TBC1D16: variants seen among roughly 807,000 people sequenced by gnomAD.
The protein encoded by TBC1D16 is CTD-2529O21.1.
In TBC1D16, 58 loss-of-function variants were observed where a neutral mutation model predicts 74.7. That is an observed-to-expected ratio of 0.78 (90% CI 0.63 to 0.97). TBC1D16 has a LOEUF of 0.97. TBC1D16 is among the 50% of genes least tolerant of loss of function. The probability of loss-of-function intolerance (pLI) is 0.00; values close to 1 mark genes in which losing one functional copy is unlikely to be tolerated. For synonymous variants in TBC1D16, 493 were observed against 474.7 expected, an observed-to-expected ratio of 1.04 and a Z score of -0.50; for missense variants, 1,014 against 1,079.5, an observed-to-expected ratio of 0.94 and a Z score of 0.85.
At chr17:79,949,889 G>T (rs76544663) in intron 6 of TBC1D16, 24 bp from the exon 7 acceptor site, 178,184 of 1,606,590 alleles carry the variant, frequency 0.11, 12,066 homozygotes, top group Admixed American at 0.32. Flanking sequence ...CAAAAGTTGG[G>T]GAGGGGATAA....
In TBC1D16 at chr17:79,944,292, T is replaced by C. The variant is rs1241440483; in HGVS notation, c.1908+616A>G. On this transcript the variant is annotated intron_variant, in intron 10 of 11. Coordinates refer to ENST00000310924, the MANE Select transcript of TBC1D16 (RefSeq NM_019020.4). The surrounding 1 kb of genome is among the most constrained non-coding windows in gnomAD (Gnocchi z 7.7). ...GTGAGTTTTTTTTTTAAAAGGCTGA[T>C]GGACTCAAAGAGACTTGCTTATCTT... Among the ~76,000 whole-genome samples the C allele has an allele frequency of 2.0e-5, 3 of 152,136 alleles. No individual in the cohort carries two copies. Among genetic ancestry groups the C allele is most frequent in the Admixed American group, 1.3e-4 (2 of 15,280 alleles).
chr17:79,963,470 CGTTTT>C (rs2033710834), intron 3 of TBC1D16, among the ~76,000 whole-genome samples: 1 of 152,036 alleles, frequency 6.6e-6, no homozygotes, highest in East Asian at 1.9e-4. Context: ...GGATGGACCG[CGTTTT>C]GTTTATCTTT....
chr17:79,943,855 C>G, intron 10 of TBC1D16: 1 of 1,385,884 alleles, frequency 7.2e-7, no homozygotes, highest in Non-Finnish European at 9.4e-7. Flanking sequence ...GGCAAATCTG[C>G]CACTGGGAAA....
At chr17:79,997,351 CTT>C (rs371287804) in intron 3 of TBC1D16, among the ~76,000 whole-genome samples, 5 of 143,060 alleles carry the variant, frequency 3.5e-5, no homozygotes, top group Admixed American at 7.0e-5. Context: ...CCTCCCGGTA[CTT>C]TTTTTTTTTT....
chr17:79,985,291 C>T lies in TBC1D16; in HGVS notation c.779+24869G>A, dbSNP rs2034791067. Among the ~76,000 whole-genome samples, 2 of 152,178 alleles carry T rather than the reference C, an allele frequency of 1.3e-5. No homozygotes were observed. The highest frequency in any genetic ancestry group is 1.3e-4 in the Admixed American group (2 of 15,276). ...TTAGGGCCACCCTAATCCAGGAAGA[C>T]CTCAACTGGATCCTTCCCTTGATCC... On this transcript the variant is annotated intron_variant, in intron 3 of 11. Transcript: ENST00000310924. The surrounding 1 kb of genome is among the most constrained non-coding windows in gnomAD (Gnocchi z 4.9).
chr17:80,002,287 C>T (rs560509316), intron 3 of TBC1D16, among the ~76,000 whole-genome samples: 21 of 152,340 alleles, frequency 1.4e-4, no homozygotes, highest in African/African-American at 4.1e-4. Flanking sequence ...CAACGATGAA[C>T]GATAACGCCG....
At chr17:80,025,090 C>CACACACACG (rs1568649814) in intron 1 of TBC1D16, among the ~76,000 whole-genome samples, 13 of 10,334 alleles carry the variant, frequency 1.3e-3, no homozygotes, top group African/African-American at 8.1e-3. Flanking sequence ...TACCATGACA[C>CACACACACG]ACACACACCA....
intron 3 of TBC1D16, among the ~76,000 whole-genome samples, chr17:79,964,069 A>G (rs1486204310): frequency 6.6e-6 from 1 of 152,154 alleles, no homozygotes; most frequent in East Asian, 1.9e-4. Context: ...TCTGTTTTCC[A>G]GGTTCAAGCT....
At position 79,953,066 on chromosome 17, in the gene TBC1D16, G is replaced by A. The variant is rs2033159430; in HGVS notation, c.780-248C>T. The A allele has an allele frequency of 1.1e-5, 4 of 364,502 alleles. No homozygotes were observed. In the East Asian group the frequency reaches 1.7e-4, roughly 16 times the overall value. 22.6% of individuals were successfully genotyped at this position (364,502 alleles called of 1,614,324 possible). A position where few individuals can be genotyped will look rare whatever the true frequency, so the allele number is the denominator to read the frequency against. On this transcript the variant is annotated intron_variant, in intron 3 of 11. Coordinates refer to ENST00000310924, the MANE Select transcript of TBC1D16 (RefSeq NM_019020.4). ...ATTCCATTCCACTTCAATAGAGGCA[G>A]TAAGTCATCATCGTCCTGACAGCCA...
Position 79,990,440 on chromosome 17 carries a change from C to T in TBC1D16, c.779+19720G>A, listed in dbSNP as rs72848412. ...TTTCCCAATGCTTGAAGTTCACGAC[C>T]AATTGCTGGGGTGGGGACAACCTAC... On this transcript the variant is annotated intron_variant, in intron 3 of 11. Transcript: ENST00000310924. This position sits in a 1 kb window ranked among gnomAD's most constrained non-coding sequence, Gnocchi z 4.8. Among the ~76,000 whole-genome samples, 15,656 of 152,216 alleles carry T rather than the reference C, an allele frequency of 0.1. 1,032 individuals are homozygous for T. Among genetic ancestry groups the T allele is most frequent in the Non-Finnish European group, 0.15 (9,989 of 67,984 alleles).
At chr17:80,030,118 C>T (rs189106165) in intron 1 of TBC1D16, among the ~76,000 whole-genome samples, 1 of 152,260 alleles carries the variant, frequency 6.6e-6, no homozygotes, top group East Asian at 1.9e-4. Context: ...ATTCCATCCC[C>T]AACTTGAATC....
At chr17:79,989,876 C>T (rs1214501470) in intron 3 of TBC1D16, among the ~76,000 whole-genome samples, 1 of 152,118 alleles carries the variant, frequency 6.6e-6, no homozygotes, top group Non-Finnish European at 1.5e-5. Flanking sequence ...CTGTAATGAC[C>T]CCCTCTGGAT....
Position 79,979,784 on chromosome 17 carries a change from G to C in TBC1D16, c.780-26966C>G, listed in dbSNP as rs964717284. Among the ~76,000 whole-genome samples, 18 of 151,864 alleles carry C rather than the reference G, an allele frequency of 1.2e-4. No homozygotes were observed. Among genetic ancestry groups the C allele is most frequent in the Non-Finnish European group, 2.1e-4 (14 of 67,968 alleles). ...ATCCACCAAAAGCTCACCCTGACTA[G>C]AGAACCAAGCAGAGACTGAGGCCAG... On this transcript the variant is annotated intron_variant, in intron 3 of 11. Coordinates refer to ENST00000310924, the MANE Select transcript of TBC1D16 (RefSeq NM_019020.4). This position sits in a 1 kb window ranked among gnomAD's most constrained non-coding sequence, Gnocchi z 4.8.
Position 80,010,230 on chromosome 17 carries a change from A to G in TBC1D16, c.709T>C (p.Phe237Leu), listed in dbSNP as rs1436776933. 5 of 1,613,254 alleles carry G rather than the reference A, an allele frequency of 3.1e-6. No homozygotes were observed. Reference sequence around the variant, plus strand: ...GCCGCGCTGATGGGCGAGAGGCAGAAGGGCGAGGAGAAGGTGTCTGAGTCT... The same window carrying G: ...GCCGCGCTGATGGGCGAGAGGCAGAGGGGCGAGGAGAAGGTGTCTGAGTCT... The part of the protein sequence containing the change: ...DSDSDTFSSP[F>L]CLSPISAALA... Residue 237 changes from phenylalanine (F) to leucine (L), a missense_variant, in exon 3 of 12, where the codon TTC becomes CTC. Transcript: ENST00000310924. The surrounding 1 kb of genome is among the most constrained non-coding windows in gnomAD (Gnocchi z 8.8).
chr17:80,016,010 C>CAAAAAA (rs60327293), intron 1 of TBC1D16, among the ~76,000 whole-genome samples: 4 of 89,658 alleles, frequency 4.5e-5, no homozygotes, highest in Admixed American at 1.4e-4. Context: ...GACTCCATCT[C>CAAAAAA]AAAAAAAAAA....
At chr17:80,022,803 A>G (rs2036330946) in intron 1 of TBC1D16, among the ~76,000 whole-genome samples, 1 of 144,936 alleles carries the variant, frequency 6.9e-6, no homozygotes. Flanking sequence ...CACCTGGCTA[A>G]TTTTTGTATT....
rs548505756 is a variant in TBC1D16, at chr17:79,944,789, G to A, written c.1908+119C>T. ...CGGGAAGGCAGTCGCCGTATGGGGG[G>A]CTAATGTGTGGCTGTGGGTGGGGGG... is the stretch of plus-strand genomic sequence containing the variant. On this transcript the variant is annotated intron_variant, in intron 10 of 11. Coordinates refer to ENST00000310924, the MANE Select transcript of TBC1D16 (RefSeq NM_019020.4). The surrounding 1 kb of genome is among the most constrained non-coding windows in gnomAD (Gnocchi z 7.7). The A allele has an allele frequency of 8.6e-6, 8 of 926,594 alleles. No individual in the cohort carries two copies. The highest frequency in any genetic ancestry group is 1.1e-5 in the Non-Finnish European group (7 of 632,924). 57.4% of individuals were successfully genotyped at this position (926,594 alleles called of 1,614,324 possible). A position where few individuals can be genotyped will look rare whatever the true frequency, so the allele number is the denominator to read the frequency against.
rs2031387602 is a variant in TBC1D16, at chr17:79,933,502, CA to C, written c.*7356del. ...TCTCTGGCTCATGGCCTGTCCTGGG[CA>C]CGGGGAGGAAGGGAGACACCCGTAA... On this transcript the variant is annotated 3_prime_UTR_variant, in exon 12 of 12. Transcript: ENST00000310924. The C allele has an allele frequency of 2.0e-5, 3 of 152,222 alleles. No individual in the cohort carries two copies. The highest frequency in any genetic ancestry group is 1.3e-4 in the Admixed American group (2 of 15,282). 9.4% of individuals were successfully genotyped at this position (152,222 alleles called of 1,614,324 possible).
Position 79,950,467 on chromosome 17 carries a change from A to G in TBC1D16, c.1201T>C (p.Trp401Arg). 2 of 1,612,762 alleles carry G rather than the reference A, an allele frequency of 1.2e-6. No individual in the cohort carries two copies. Among genetic ancestry groups the G allele is most frequent in the Non-Finnish European group, 1.7e-6 (2 of 1,179,844 alleles). The stretch of plus-strand genomic sequence containing the variant: ...CCCAGCTCATTCAGGTGGTTGAGCC[A>G]GGCGGAGACGCCGAGCCTCTTGTAC... ...SMYKRLGVSA[W>R]LNHLNELGQV... The change falls in exon 6 of 12, where the codon TGG becomes CGG. Residue 401 changes from tryptophan (W) to arginine (R), a missense_variant. Coordinates refer to ENST00000310924, the MANE Select transcript of TBC1D16 (RefSeq NM_019020.4). The surrounding 1 kb of genome is among the most constrained non-coding windows in gnomAD (Gnocchi z 4.6).
Sources: allele counts gnomAD v4.1 joint callset (sites outside exome capture counted in the v4.1 genomes callset), GRCh38; gene constraint gnomAD v4.1.1; non-coding constraint Gnocchi (gnomAD v3.1); transcripts MANE v1.5; gene names NCBI Gene and HGNC (gene_info 2026-07-23, HGNC 2026-07-21).